GRAMD1C: variants seen among roughly 807,000 people sequenced by gnomAD.
GRAMD1C encodes GRAM domain containing 1C, also known as protein Aster-C.
In GRAMD1C, 89 loss-of-function variants were observed where a neutral mutation model predicts 97.8. That is an observed-to-expected ratio of 0.91 (90% CI 0.77 to 1.09). The LOEUF is 1.09. Among genes scored for constraint, GRAMD1C ranks in the 50% least tolerant of loss-of-function variants. GRAMD1C has a pLI of 0.00. For missense variants in GRAMD1C, 740 were observed against 766.4 expected, an observed-to-expected ratio of 0.97 and a Z score of 0.41; for synonymous variants, 256 against 267.0, an observed-to-expected ratio of 0.96 and a Z score of 0.40.
intron 2 of GRAMD1C, among the ~76,000 whole-genome samples, chr3:113,869,084 A>G (rs1167302130): frequency 6.6e-6 from 1 of 151,760 alleles, no homozygotes; most frequent in East Asian, 1.9e-4. Context: ...ATCTGTTCCC[A>G]CCCCCAAAGA....
At chr3:113,868,309 TTC>T (rs1407423038) in intron 2 of GRAMD1C, among the ~76,000 whole-genome samples, 2 of 152,184 alleles carry the variant, frequency 1.3e-5, no homozygotes, top group African/African-American at 4.8e-5. Context: ...CTGTTTTTTG[TTC>T]TGTTTTTTTC....
intron 14 of GRAMD1C, 123 bp downstream of exon 14, chr3:113,936,565 GT>G: frequency 1.7e-6 from 1 of 600,402 alleles, no homozygotes; most frequent in Non-Finnish European, 2.9e-6. Flanking sequence ...TTTGGATAAT[GT>G]TTATCAAACT....
At chr3:113,916,708 C>CTG (rs771101790) in intron 10 of GRAMD1C, among the ~76,000 whole-genome samples, 2 of 152,036 alleles carry the variant, frequency 1.3e-5, no homozygotes, top group Non-Finnish European at 2.9e-5. Flanking sequence ...AATCATGGAG[C>CTG]TGTACACTTG....
chr3:113,838,917 G>C lies in GRAMD1C; in HGVS notation c.8G>C (p.Gly3Ala). 8.2e-7 allele frequency: 1 copy of C among 1,213,896 alleles called. No homozygotes were observed. Among genetic ancestry groups the C allele is most frequent in the South Asian group, 4.3e-5 (1 of 23,464 alleles). The allele number at this position is 1,213,896 out of a possible 1,614,324, so 75.2% of individuals were successfully genotyped here. A position where few individuals can be genotyped will look rare whatever the true frequency, so the allele number is the denominator to read the frequency against. ME[G>A]APTVRQVMNE... ...GCGGCGGAGGGAGCCGCGATGGAGG[G>C]CGCTCCGACTGTCCGTCAGGTAAGC... The change falls in exon 1 of 18, where the codon GGC (glycine) becomes GCC (alanine). Residue 3 changes from glycine (G) to alanine (A), a missense_variant. Gly to Ala is a moderately conservative substitution (Grantham distance 60). Coordinates refer to ENST00000358160, the MANE Select transcript of GRAMD1C (RefSeq NM_017577.5).
chr3:113,914,865 T>A (rs551451722), intron 9 of GRAMD1C, among the ~76,000 whole-genome samples: 75 of 152,298 alleles, frequency 4.9e-4, no homozygotes, highest in Non-Finnish European at 9.3e-4. Context: ...ATAATGATGA[T>A]AATACCACTT....
intron 1 of GRAMD1C, among the ~76,000 whole-genome samples, chr3:113,841,281 C>CT (rs1269088707): frequency 5.7e-5 from 1 of 17,544 alleles, no homozygotes; most frequent in African/African-American, 1.2e-4. Flanking sequence ...TTCTTTCTTT[C>CT]TTTCTTTTTT....
chr3:113,870,694 C>T (rs1201432961), intron 3 of GRAMD1C, among the ~76,000 whole-genome samples: 3 of 151,974 alleles, frequency 2.0e-5, no homozygotes, highest in Non-Finnish European at 4.4e-5. Context: ...CACATTACTC[C>T]ATAAACACAA....
At chr3:113,857,963 T>C (rs962325636) in intron 2 of GRAMD1C, among the ~76,000 whole-genome samples, 3 of 152,182 alleles carry the variant, frequency 2.0e-5, no homozygotes, top group Non-Finnish European at 4.4e-5. Flanking sequence ...TAATTTTCTA[T>C]TTTTTGTAAT....
chr3:113,922,352 C>T lies in GRAMD1C; in HGVS notation c.1090+6514C>T, dbSNP rs1398870687. On this transcript the variant is annotated intron_variant, in intron 10 of 17. Transcript: ENST00000358160. ...CCTCCTAGAGTGCTGAGATTACAGG[C>T]GTGAACCACCACGCCCAGTCATTCC... Among the ~76,000 whole-genome samples the T allele has an allele frequency of 3.3e-5, 5 of 152,164 alleles. No homozygotes were observed. In the South Asian group the frequency reaches 6.2e-4, roughly 19 times the overall value.
chr3:113,903,122 G>A (rs1378267877), intron 7 of GRAMD1C, among the ~76,000 whole-genome samples: 7 of 149,494 alleles, frequency 4.7e-5, no homozygotes, highest in African/African-American at 1.5e-4. Context: ...GTGCCACCAC[G>A]CCCAGCTAAT....
In GRAMD1C at chr3:113,831,226, C is replaced by CA. The variant is rs542254192; in HGVS notation, n.98+2951dup. Among the ~76,000 whole-genome samples, 5 of 152,298 alleles carry CA rather than the reference C, an allele frequency of 3.3e-5. No homozygotes were observed. In the South Asian group the frequency reaches 1.0e-3, roughly 32 times the overall value. ...AATGTTTCTGGTTCAGGATCCAAGA[C>CA]AAAATCGCACATTGTATTTAGTTGC... On this transcript the variant is annotated intron_variant and non_coding_transcript_variant, in intron 1 of 18. Coordinates refer to the GRAMD1C transcript ENST00000479212.
chr3:113,829,406 T>C (rs1709530101), intron 1 of GRAMD1C, among the ~76,000 whole-genome samples: 2 of 152,186 alleles, frequency 1.3e-5, no homozygotes, highest in Admixed American at 1.3e-4. Context: ...ATCATGCCAC[T>C]ACACTTTAGC....
At chr3:113,867,649 G>T (rs1934636632) in intron 2 of GRAMD1C, among the ~76,000 whole-genome samples, 7 of 151,582 alleles carry the variant, frequency 4.6e-5, no homozygotes, top group Admixed American at 4.6e-4. Context: ...CATTGTTAAT[G>T]ATGAAGAGTC....
At chr3:113,864,722 A>G (rs1012621063) in intron 2 of GRAMD1C, among the ~76,000 whole-genome samples, 1 of 152,120 alleles carries the variant, frequency 6.6e-6, no homozygotes, top group Admixed American at 6.6e-5. Flanking sequence ...TCTGTTCACA[A>G]CCACTTAAGT....
chr3:113,851,223 T>C (rs1344463278), intron 2 of GRAMD1C, among the ~76,000 whole-genome samples: 1 of 152,198 alleles, frequency 6.6e-6, no homozygotes, highest in Non-Finnish European at 1.5e-5. Flanking sequence ...GTGTTCCTCT[T>C]TGAATAATTG....
At chr3:113,943,910 T>A (rs1937934487) in intron 17 of GRAMD1C, among the ~76,000 whole-genome samples, 1 of 152,094 alleles carries the variant, frequency 6.6e-6, no homozygotes, top group Non-Finnish European at 1.5e-5. Flanking sequence ...CGAGACTCCG[T>A]CTCCAAAAAA....
At chr3:113,936,523 T>A (rs1559826510) in intron 14 of GRAMD1C, 81 bp downstream of exon 14, 1 of 870,228 alleles carries the variant, frequency 1.1e-6, no homozygotes, top group Non-Finnish European at 1.8e-6. Context: ...TTTGTAAGAA[T>A]ATGTCAGGAG....
intron 9 of GRAMD1C, among the ~76,000 whole-genome samples, chr3:113,911,797 G>A (rs150960509): frequency 0.013 from 1,937 of 148,630 alleles, 39 homozygotes; most frequent in African/African-American, 0.045. Flanking sequence ...GCACGATCTC[G>A]GCTCACTGCA....
Position 113,915,756 on chromosome 3 carries a change from T to C in GRAMD1C, c.1008T>C (p.His336=). 6.2e-7 allele frequency: 1 copy of C among 1,609,806 alleles called. No homozygotes were observed. Among genetic ancestry groups the C allele is most frequent in the Non-Finnish European group, 8.5e-7 (1 of 1,176,318 alleles). ...HGRLFINRIF[H]ISADRMFELL... is the part of the protein sequence containing the mutation. ...GACTTTTTATCAACCGTATTTTTCA[T>C]ATCAGTGCTGACAGAATGTTTGAAT... The change falls in exon 10 of 18, where the codon CAT becomes CAC. Residue 336 remains histidine, a synonymous_variant. Transcript: ENST00000358160.
Sources: allele counts gnomAD v4.1 joint callset (sites outside exome capture counted in the v4.1 genomes callset), GRCh38; gene constraint gnomAD v4.1.1; transcripts MANE v1.5; gene names NCBI Gene and HGNC (gene_info 2026-07-23, HGNC 2026-07-21).